The following RTTN variants were observed in gnomAD, a reference collection of about 807,000 sequenced individuals.
RTTN encodes the protein rotatin.
Under a neutral mutation model 269.2 loss-of-function variants are expected in RTTN, and 182 were observed. The observed-to-expected ratio is 0.68, with a 90% confidence interval of 0.60 to 0.76. RTTN has a LOEUF of 0.76. Among genes scored for constraint, RTTN ranks in the 30% least tolerant of loss-of-function variants. RTTN has a pLI of 0.00. For missense variants in RTTN, 2,545 were observed against 2,608.6 expected, an observed-to-expected ratio of 0.98 and a Z score of 0.53; for synonymous variants, 1,006 against 963.5, an observed-to-expected ratio of 1.04 and a Z score of -0.82.
At chr18:70,051,325 T>C in intron 39 of RTTN, 86 bp downstream of exon 39, 1 of 1,418,972 alleles carries the variant, frequency 7.0e-7, no homozygotes, top group Non-Finnish European at 9.4e-7. Context: ...TACTTAACTT[T>C]AGTGAATTTA....
intron 45 of RTTN, among the ~76,000 whole-genome samples, chr18:70,020,235 T>C (rs958789517): frequency 6.6e-6 from 1 of 152,210 alleles, no homozygotes; most frequent in Admixed American, 6.5e-5. Context: ...ATAAACCATT[T>C]TGTCAATGAA....
At chr18:70,124,662 A>C (rs1195475200) in intron 25 of RTTN, among the ~76,000 whole-genome samples, 1 of 152,090 alleles carries the variant, frequency 6.6e-6, no homozygotes, top group Non-Finnish European at 1.5e-5. Context: ...GTAGCTGAAA[A>C]GGTAAGCAAG....
intron 8 of RTTN, among the ~76,000 whole-genome samples, chr18:70,191,508 G>A (rs1391661140): frequency 2.0e-5 from 3 of 152,158 alleles, no homozygotes; most frequent in Non-Finnish European, 4.4e-5. Context: ...ACTTCACTTA[G>A]TACATTCGAC....
chr18:70,119,628 A>G (rs1189359048), intron 26 of RTTN, among the ~76,000 whole-genome samples: 1 of 152,196 alleles, frequency 6.6e-6, no homozygotes, highest in Non-Finnish European at 1.5e-5. Flanking sequence ...AATTCAAAAT[A>G]AGTTATCTAT....
At chr18:70,057,271 T>A (rs147889722) in intron 37 of RTTN, among the ~76,000 whole-genome samples, 22 of 152,376 alleles carry the variant, frequency 1.4e-4, no homozygotes, top group African/African-American at 5.3e-4. Flanking sequence ...ATTCTAGCTA[T>A]AGGCAAGAAT....
Position 70,127,624 on chromosome 18 carries a change from T to A in RTTN, c.3261A>T (p.Glu1087Asp), listed in dbSNP as rs1382410101. 6.2e-7 allele frequency: 1 copy of A among 1,613,516 alleles called. No individual in the cohort carries two copies. The highest frequency in any genetic ancestry group is 1.7e-5 in the Admixed American group (1 of 59,868). The change falls in exon 25 of 49, where the codon GAA (glutamate) becomes GAT (aspartate). Residue 1087 changes from glutamate to aspartate, a missense_variant. Coordinates refer to ENST00000640769, the MANE Select transcript of RTTN (RefSeq NM_173630.4). ...TCATCCTGGTGACAGCAGCCCTAAC[T>A]TCCCTGTGGGTTGCAGCCTGAACAA... ...HSIVQAATHR[E>D]VRAAVTRMSF...
At chr18:70,077,506 C>T (rs1304942898) in intron 32 of RTTN, among the ~76,000 whole-genome samples, 1 of 151,926 alleles carries the variant, frequency 6.6e-6, no homozygotes, top group Non-Finnish European at 1.5e-5. Flanking sequence ...CTTCTAAAAT[C>T]TAACATTTCT....
At chr18:70,170,426 A>T (rs904640106) in intron 11 of RTTN, among the ~76,000 whole-genome samples, 4 of 152,248 alleles carry the variant, frequency 2.6e-5, no homozygotes, top group African/African-American at 9.6e-5. Flanking sequence ...TGGGGAGTGG[A>T]GGCAGGGAAC....
chr18:70,081,619 T>A (rs1444676095), intron 32 of RTTN, among the ~76,000 whole-genome samples: 1 of 152,118 alleles, frequency 6.6e-6, no homozygotes. Context: ...CTAATTGAAG[T>A]ATATTACAAC....
chr18:70,163,089 A>AAC (rs1447146208), intron 14 of RTTN, among the ~76,000 whole-genome samples: 54 of 147,306 alleles, frequency 3.7e-4, no homozygotes, highest in Middle Eastern at 6.8e-3. Context: ...AAAAAAAAAA[A>AAC]AAAAAAAAAC....
Position 70,193,429 on chromosome 18 carries a change from A to G in RTTN, c.866T>C (p.Leu289Ser). Residue 289 changes from leucine to serine, a missense_variant, in exon 8 of 49, where the codon TTG (leucine) becomes TCG (serine). By Grantham distance (145) the Leu-to-Ser change is moderately radical. Transcript: ENST00000640769. ...KHDTVSQNSS[L>S]SYCHEARGTH... Reference sequence around the variant, plus strand: ...ACCTCTTGCTTCATGACAATAAGACAAAGAAGAATTTTGGGAAACTGTGTC... The same window carrying G: ...ACCTCTTGCTTCATGACAATAAGACGAAGAAGAATTTTGGGAAACTGTGTC... 2 of 1,536,330 alleles carry G rather than the reference A, an allele frequency of 1.3e-6. No individual in the cohort carries two copies. The highest frequency in any genetic ancestry group is 1.2e-5 in the South Asian group (1 of 81,426).
At chr18:70,097,883 G>A (rs1056221406) in intron 28 of RTTN, among the ~76,000 whole-genome samples, 4 of 152,106 alleles carry the variant, frequency 2.6e-5, no homozygotes, top group African/African-American at 9.7e-5. Flanking sequence ...TAAAACAAAA[G>A]CACTTCTGAT....
intron 25 of RTTN, 142 bp from the exon 26 acceptor site, chr18:70,121,842 A>G: frequency 4.1e-6 from 3 of 731,804 alleles, no homozygotes; most frequent in Non-Finnish European, 4.1e-6. Flanking sequence ...TGGAAAATGC[A>G]AAGTTGAAAC....
chr18:70,183,110 T>C (rs2061456497), intron 10 of RTTN, among the ~76,000 whole-genome samples: 1 of 152,212 alleles, frequency 6.6e-6, no homozygotes, highest in Non-Finnish European at 1.5e-5. Flanking sequence ...AGTGGCATAG[T>C]GTCATTGCAG....
chr18:70,205,663 T>C lies in RTTN; in HGVS notation c.-5A>G, dbSNP rs1263411856. 52 of 1,613,880 alleles carry C rather than the reference T, an allele frequency of 3.2e-5. No individual in the cohort carries two copies. The highest frequency in any genetic ancestry group is 4.1e-5 in the Non-Finnish European group (48 of 1,180,004). ...GATGAGCCCTGCCAGGACCATCTCG[T>C]CCCGTCAATCTGCAGCCGCCGGAGA... On this transcript the variant is annotated 5_prime_UTR_variant, in exon 1 of 49. Coordinates refer to ENST00000640769, the MANE Select transcript of RTTN (RefSeq NM_173630.4).
chr18:70,142,227 T>C, intron 19 of RTTN, 61 bp downstream of exon 19: 2 of 1,092,532 alleles, frequency 1.8e-6, no homozygotes, highest in Non-Finnish European at 2.8e-6. Flanking sequence ...GCCAGTACCA[T>C]ATGGCAATCT....
intron 10 of RTTN, among the ~76,000 whole-genome samples, chr18:70,177,576 C>G (rs1660596431): frequency 6.6e-6 from 1 of 151,538 alleles, no homozygotes; most frequent in Non-Finnish European, 1.5e-5. Flanking sequence ...CTGATATGCC[C>G]CCATAAACTA....
intron 20 of RTTN, 129 bp from the exon 21 acceptor site, chr18:70,139,845 T>C (rs1189525249): frequency 1.2e-5 from 8 of 668,346 alleles, no homozygotes; most frequent in Non-Finnish European, 2.1e-5. Flanking sequence ...AAAATGTAAA[T>C]AAATACTAGG....
At chr18:70,172,969 CT>C in intron 11 of RTTN, among the ~76,000 whole-genome samples, 1 of 152,262 alleles carries the variant, frequency 6.6e-6, no homozygotes, top group East Asian at 1.9e-4. Context: ...CAATTCCTTT[CT>C]TAAGAGACTG....
Sources: allele counts gnomAD v4.1 joint callset (sites outside exome capture counted in the v4.1 genomes callset), GRCh38; gene constraint gnomAD v4.1.1; transcripts MANE v1.5; gene names NCBI Gene and HGNC (gene_info 2026-07-23, HGNC 2026-07-21).